NALF1: variants seen among roughly 807,000 people sequenced by gnomAD.
NALF1 encodes the protein family with sequence similarity 155 member A.
NALF1 carries 3 observed loss-of-function variants against 48.4 expected under a neutral mutation model. The ratio of observed to expected loss-of-function variants is 0.06; its 90% CI spans 0.03 to 0.16. NALF1 has a LOEUF of 0.16. Ranked by LOEUF, NALF1 falls within the 10% of genes least tolerant of loss-of-function variation. NALF1 has a pLI of 1.00. For synonymous variants in NALF1, 262 were observed against 245.7 expected, an observed-to-expected ratio of 1.07 and a Z score of -0.62; for missense variants, 526 against 571.5, an observed-to-expected ratio of 0.92 and a Z score of 0.81.
intron 1 of NALF1, among the ~76,000 whole-genome samples, chr13:107,319,235 G>C (rs116606534): frequency 8.5e-5 from 13 of 152,232 alleles, no homozygotes; most frequent in Non-Finnish European, 1.3e-4. Context: ...GTGATAAAAT[G>C]ATGAGTCACA....
intron 1 of NALF1, among the ~76,000 whole-genome samples, chr13:107,371,037 G>A (rs1219519244): frequency 6.6e-6 from 1 of 152,102 alleles, no homozygotes; most frequent in Non-Finnish European, 1.5e-5. Context: ...GATTTGGGTG[G>A]GGACACCGCC....
At chr13:107,652,289 C>A (rs892809753) in intron 1 of NALF1, among the ~76,000 whole-genome samples, 1 of 151,852 alleles carries the variant, frequency 6.6e-6, no homozygotes, top group Non-Finnish European at 1.5e-5. Context: ...GTCATTCTGG[C>A]CTTTGTTATT....
intron 1 of NALF1, among the ~76,000 whole-genome samples, chr13:107,450,269 T>G (rs553344959): frequency 6.8e-6 from 1 of 146,048 alleles, no homozygotes. Flanking sequence ...TTGAGAAAGA[T>G]AGAAAAGGAG....
At chr13:107,617,918 G>A (rs9559102) in intron 1 of NALF1, among the ~76,000 whole-genome samples, 88,309 of 151,964 alleles carry the variant, frequency 0.58, 28,050 homozygotes, top group East Asian at 0.99. Flanking sequence ...TCTCATTCTT[G>A]GAATTGCTTT....
chr13:107,571,230 C>G (rs752121698), intron 1 of NALF1, among the ~76,000 whole-genome samples: 2 of 152,036 alleles, frequency 1.3e-5, no homozygotes, highest in Admixed American at 1.3e-4. Flanking sequence ...TTTGACCATA[C>G]CTGAATTTAT....
chr13:107,178,674 T>A (rs1878991209), intron 2 of NALF1, among the ~76,000 whole-genome samples: 1 of 152,152 alleles, frequency 6.6e-6, no homozygotes, highest in African/African-American at 2.4e-5. Flanking sequence ...CCAGGCACGG[T>A]GGCTCACGCA....
At chr13:107,369,762 A>T (rs1185565856) in intron 1 of NALF1, among the ~76,000 whole-genome samples, 1 of 152,178 alleles carries the variant, frequency 6.6e-6, no homozygotes, top group Non-Finnish European at 1.5e-5. Flanking sequence ...CAGTGATATT[A>T]TGAAAATAAT....
intron 1 of NALF1, among the ~76,000 whole-genome samples, chr13:107,311,875 C>T (rs1481470370): frequency 6.6e-6 from 1 of 152,134 alleles, no homozygotes; most frequent in African/African-American, 2.4e-5. Flanking sequence ...CAATGAGATA[C>T]CATCTCACAC....
intron 1 of NALF1, among the ~76,000 whole-genome samples, chr13:107,664,588 C>A (rs1469141344): frequency 6.6e-6 from 1 of 152,174 alleles, no homozygotes; most frequent in Non-Finnish European, 1.5e-5. Context: ...GAACCTCTGT[C>A]CCATCATTCA....
chr13:107,404,616 G>A lies in NALF1; in HGVS notation c.916-193861C>T, dbSNP rs188979073. Among the ~76,000 whole-genome samples the A allele has an allele frequency of 1.2e-3, 178 of 152,196 alleles. 1 individual carries two copies. The highest frequency in any genetic ancestry group is 7.7e-3 in the Admixed American group (117 of 15,256). On this transcript the variant is annotated intron_variant, in intron 1 of 2. Transcript: ENST00000375915. ...TTGGTATTGAACAATACACAGAGATGTCAGAGATGATATTAGAAGGTCAAC... is the reference window on the plus strand; with the variant it reads ...TTGGTATTGAACAATACACAGAGATATCAGAGATGATATTAGAAGGTCAAC...
chr13:107,543,463 T>A (rs1192276552), intron 1 of NALF1, among the ~76,000 whole-genome samples: 1 of 152,084 alleles, frequency 6.6e-6, no homozygotes, highest in Non-Finnish European at 1.5e-5. Context: ...AATTCAGCCA[T>A]AATAGGTATT....
intron 1 of NALF1, among the ~76,000 whole-genome samples, chr13:107,644,176 A>G (rs1045134847): frequency 2.0e-5 from 3 of 152,114 alleles, no homozygotes; most frequent in Admixed American, 6.5e-5. Context: ...ATATCTCTTT[A>G]AAAATACATG....
intron 1 of NALF1, among the ~76,000 whole-genome samples, chr13:107,635,118 T>A (rs778314660): frequency 9.2e-5 from 14 of 152,162 alleles, no homozygotes; most frequent in Non-Finnish European, 1.9e-4. Flanking sequence ...CTCTATAAAC[T>A]GGTGGGCTTT....
chr13:107,252,159 G>A (rs1293876239), intron 1 of NALF1, among the ~76,000 whole-genome samples: 2 of 152,166 alleles, frequency 1.3e-5, no homozygotes, highest in Admixed American at 6.5e-5. Flanking sequence ...CACTCCTGGA[G>A]AAACACCCAC....
chr13:107,372,698 T>C (rs556076347), intron 1 of NALF1, among the ~76,000 whole-genome samples: 34 of 152,338 alleles, frequency 2.2e-4, no homozygotes, highest in African/African-American at 8.2e-4. Context: ...CATTTGGTGA[T>C]AGATCAATGC....
intron 1 of NALF1, among the ~76,000 whole-genome samples, chr13:107,656,252 T>C (rs1203416711): frequency 3.3e-5 from 5 of 151,818 alleles, no homozygotes; most frequent in African/African-American, 1.2e-4. Context: ...CTTCACAATC[T>C]ATACATCTGA....
intron 1 of NALF1, among the ~76,000 whole-genome samples, chr13:107,678,190 T>G (rs1037997171): frequency 7.2e-5 from 11 of 152,200 alleles, no homozygotes; most frequent in African/African-American, 2.7e-4. Flanking sequence ...GCTTGCACTT[T>G]ACAAGCTTTC....
At chr13:107,597,937 C>T (rs1403277821) in intron 1 of NALF1, among the ~76,000 whole-genome samples, 4 of 152,080 alleles carry the variant, frequency 2.6e-5, no homozygotes, top group Non-Finnish European at 5.9e-5. Flanking sequence ...TCAGGAAGTA[C>T]AGATAAGAAA....
chr13:107,415,477 G>C (rs1884069809), intron 1 of NALF1, among the ~76,000 whole-genome samples: 1 of 152,042 alleles, frequency 6.6e-6, no homozygotes, highest in East Asian at 1.9e-4. Context: ...AGGATTAGTA[G>C]TGGGTGAAAA....
Sources: gnomAD v4.1 joint callset for allele counts (sites outside exome capture counted in the v4.1 genomes callset) on GRCh38, gnomAD v4.1.1 for gene constraint, MANE v1.5 for transcripts, NCBI Gene and HGNC (gene_info 2026-07-23, HGNC 2026-07-21) for gene names.